LRRTM4: variants seen among roughly 807,000 people sequenced by gnomAD.
LRRTM4 encodes leucine rich repeat transmembrane neuronal 4.
A neutral mutation model predicts 47.6 loss-of-function variants in LRRTM4; 25 were observed. The observed-to-expected ratio is 0.53, with a 90% CI of 0.38 to 0.73. The LOEUF (loss-of-function observed/expected upper bound fraction) is 0.73. Ranked by LOEUF, LRRTM4 falls within the 30% of genes least tolerant of loss-of-function variation. The probability of loss-of-function intolerance (pLI) is 0.00; values close to 1 mark genes in which losing one functional copy is unlikely to be tolerated. For synonymous variants in LRRTM4, 311 were observed against 269.5 expected (o/e 1.15, Z -1.51); for missense variants, 638 against 713.4 (o/e 0.89, Z 1.20).
intron 3 of LRRTM4, among the ~76,000 whole-genome samples, chr2:76,923,080 A>G (rs114170569): frequency 6.6e-6 from 1 of 152,248 alleles, no homozygotes; most frequent in African/African-American, 2.4e-5. Flanking sequence ...ATGATCTGAT[A>G]TATTCAGAAA....
intron 3 of LRRTM4, among the ~76,000 whole-genome samples, chr2:77,232,497 A>G (rs1674992830): frequency 6.6e-6 from 1 of 152,174 alleles, no homozygotes; most frequent in South Asian, 2.1e-4. Context: ...TGAGCCTCAC[A>G]ATTTTCTCTT....
At chr2:76,822,699 A>G (rs1671085662) in intron 3 of LRRTM4, among the ~76,000 whole-genome samples, 1 of 151,522 alleles carries the variant, frequency 6.6e-6, no homozygotes, top group Non-Finnish European at 1.5e-5. Flanking sequence ...TTTGCAGAAA[A>G]TATAAATAAG....
At chr2:77,274,745 C>T (rs1433511952) in intron 3 of LRRTM4, among the ~76,000 whole-genome samples, 1 of 152,100 alleles carries the variant, frequency 6.6e-6, no homozygotes, top group Non-Finnish European at 1.5e-5. Context: ...CTAAAACCTT[C>T]ATATGGGATT....
intron 3 of LRRTM4, among the ~76,000 whole-genome samples, chr2:77,058,794 CTTATT>C (rs776846654): frequency 2.6e-5 from 4 of 152,016 alleles, no homozygotes; most frequent in Admixed American, 6.6e-5. Flanking sequence ...TTCAAACAAT[CTTATT>C]TATTTAGACG....
At chr2:76,975,294 A>G in intron 3 of LRRTM4, among the ~76,000 whole-genome samples, 1 of 151,838 alleles carries the variant, frequency 6.6e-6, no homozygotes, top group Non-Finnish European at 1.5e-5. Context: ...AATAGCTGTA[A>G]TAGCTAGTTT....
intron 3 of LRRTM4, among the ~76,000 whole-genome samples, chr2:76,868,931 T>C (rs896023695): frequency 2.0e-5 from 3 of 152,108 alleles, no homozygotes; most frequent in South Asian, 2.1e-4. Context: ...TCAGGAAAGA[T>C]AGGGAATTTA....
intron 3 of LRRTM4, among the ~76,000 whole-genome samples, chr2:77,057,745 C>G (rs1679656348): frequency 6.6e-6 from 1 of 152,098 alleles, no homozygotes; most frequent in Admixed American, 6.6e-5. Context: ...TAGATATGCA[C>G]CTAGAGTCAA....
intron 3 of LRRTM4, among the ~76,000 whole-genome samples, chr2:77,139,692 T>C (rs942424979): frequency 2.5e-4 from 38 of 152,176 alleles, no homozygotes; most frequent in African/African-American, 9.2e-4. Flanking sequence ...TTGTCCCTGT[T>C]TGTAGATGAT....
intron 3 of LRRTM4, among the ~76,000 whole-genome samples, chr2:77,080,587 A>G (rs774882203): frequency 6.6e-6 from 1 of 152,172 alleles, no homozygotes; most frequent in Non-Finnish European, 1.5e-5. Context: ...CTTTATCTAA[A>G]TTAATGGAAA....
chr2:77,030,704 A>G (rs187097787), intron 3 of LRRTM4, among the ~76,000 whole-genome samples: 1 of 152,342 alleles, frequency 6.6e-6, no homozygotes, highest in East Asian at 1.9e-4. Flanking sequence ...TAGATGAGTC[A>G]AATACCACCA....
At chr2:76,816,628 C>G (rs1388556641) in intron 3 of LRRTM4, among the ~76,000 whole-genome samples, 1 of 151,648 alleles carries the variant, frequency 6.6e-6, no homozygotes, top group African/African-American at 2.4e-5. Flanking sequence ...TAATCAGCCA[C>G]TATTACATAT....
At chr2:76,780,601 C>T (rs914889717) in intron 3 of LRRTM4, among the ~76,000 whole-genome samples, 2 of 152,060 alleles carry the variant, frequency 1.3e-5, no homozygotes, top group African/African-American at 4.8e-5. Flanking sequence ...CCTTGGTTTT[C>T]AGCTCCATCA....
At chr2:77,156,554 A>C (rs1368147873) in intron 3 of LRRTM4, among the ~76,000 whole-genome samples, 2 of 152,110 alleles carry the variant, frequency 1.3e-5, no homozygotes, top group Non-Finnish European at 2.9e-5. Flanking sequence ...ATTCAGAATG[A>C]TGCCAATAAC....
rs369732468 is a variant in LRRTM4 at position 76,783,607 on chromosome 2, G to C, written c.1552-34691C>G. Among the ~76,000 whole-genome samples the C allele has an allele frequency of 5.9e-5, 9 of 152,182 alleles. No individual in the cohort carries two copies. The East Asian group carries it at 1.5e-3, about 26-fold the overall frequency. On this transcript the variant is annotated intron_variant, in intron 3 of 3. Transcript: ENST00000409884. ...AAATTTTGAATTAACATGCTAATGT[G>C]AAAAGTTTCTCTGAAACTAAACAAG...
chr2:76,879,434 G>A (rs988928329), intron 3 of LRRTM4, among the ~76,000 whole-genome samples: 2 of 152,116 alleles, frequency 1.3e-5, no homozygotes, highest in African/African-American at 4.8e-5. Context: ...GAACAACAAG[G>A]CCTAGAAGAC....
intron 3 of LRRTM4, among the ~76,000 whole-genome samples, chr2:76,792,599 G>C (rs1268533488): frequency 1.3e-5 from 2 of 152,116 alleles, no homozygotes; most frequent in African/African-American, 4.8e-5. Flanking sequence ...AATAAAGTGT[G>C]TGATGCAAGA....
At chr2:77,344,239 T>C (rs1425235903) in intron 3 of LRRTM4, among the ~76,000 whole-genome samples, 2 of 151,884 alleles carry the variant, frequency 1.3e-5, no homozygotes, top group East Asian at 1.9e-4. Flanking sequence ...ACAATTAGCA[T>C]ATACCAATTA....
At chr2:76,975,578 A>G (rs1044468467) in intron 3 of LRRTM4, among the ~76,000 whole-genome samples, 2 of 151,718 alleles carry the variant, frequency 1.3e-5, no homozygotes, top group African/African-American at 4.8e-5. Context: ...CTGTGGCTCC[A>G]TATGTTCAAA....
At chr2:77,379,537 C>T (rs1672970888) in intron 3 of LRRTM4, among the ~76,000 whole-genome samples, 2 of 152,022 alleles carry the variant, frequency 1.3e-5, no homozygotes, top group African/African-American at 4.8e-5. Context: ...CTAGTTTCTG[C>T]TATTAATATT....
Sources: gnomAD v4.1 joint callset for allele counts (sites outside exome capture counted in the v4.1 genomes callset) on GRCh38, gnomAD v4.1.1 for gene constraint, MANE v1.5 for transcripts, NCBI Gene and HGNC (gene_info 2026-07-23, HGNC 2026-07-21) for gene names.